The following GAB2 variants were observed in gnomAD, a reference collection of about 807,000 sequenced individuals.
The protein encoded by GAB2 is GRB2 associated binding protein 2, also known as GRB2-associated-binding protein 2.
GAB2 carries 26 observed loss-of-function variants against 65.5 expected under a neutral mutation model. The ratio of observed to expected loss-of-function variants is 0.40; its 90% CI spans 0.29 to 0.55. The LOEUF is 0.55. Among genes scored for constraint, GAB2 ranks in the 20% least tolerant of loss-of-function variants. The probability of loss-of-function intolerance (pLI) is 0.53; values close to 1 mark genes in which losing one functional copy is unlikely to be tolerated. For synonymous variants in GAB2, 321 were observed against 329.6 expected (o/e 0.97, Z 0.28); for missense variants, 884 against 875.8 (o/e 1.01, Z -0.12).
chr11:78,329,762 G>T (rs1315084461), intron 1 of GAB2, among the ~76,000 whole-genome samples: 1 of 152,200 alleles, frequency 6.6e-6, no homozygotes, highest in African/African-American at 2.4e-5. Context: ...TTCTCAGCTA[G>T]CATGTATCTC....
intron 3 of GAB2, among the ~76,000 whole-genome samples, chr11:78,247,902 C>T (rs1865341412): frequency 6.6e-6 from 1 of 152,124 alleles, no homozygotes; most frequent in Non-Finnish European, 1.5e-5. Flanking sequence ...CTGCTCATTA[C>T]CCTCTCATTC....
chr11:78,260,330 G>T (rs942173900), intron 2 of GAB2, among the ~76,000 whole-genome samples: 2 of 152,202 alleles, frequency 1.3e-5, no homozygotes, highest in Non-Finnish European at 2.9e-5. Flanking sequence ...AGGCAAAGAG[G>T]AAAGAGAGCG....
chr11:78,400,080 A>C (rs1017378651), intron 1 of GAB2, among the ~76,000 whole-genome samples: 1 of 152,158 alleles, frequency 6.6e-6, no homozygotes, highest in African/African-American at 2.4e-5. Context: ...CATCTAAGGC[A>C]TTTACTGGGA....
intron 1 of GAB2, among the ~76,000 whole-genome samples, chr11:78,405,117 G>A (rs1201000709): frequency 2.5e-5 from 1 of 40,698 alleles, no homozygotes; most frequent in East Asian, 6.6e-4. Context: ...TTTTTTTTTT[G>A]AGATGGAGTC....
intron 1 of GAB2, among the ~76,000 whole-genome samples, chr11:78,334,035 C>T (rs778598593): frequency 6.6e-6 from 1 of 152,166 alleles, no homozygotes; most frequent in Non-Finnish European, 1.5e-5. Context: ...GTGATAAGTT[C>T]ATCTCCTTTT....
chr11:78,228,511 T>G (rs1339173988), intron 3 of GAB2, among the ~76,000 whole-genome samples: 1 of 152,184 alleles, frequency 6.6e-6, no homozygotes, highest in Non-Finnish European at 1.5e-5. Flanking sequence ...CTGGACCTTT[T>G]GCCTTATAGA....
intron 2 of GAB2, among the ~76,000 whole-genome samples, chr11:78,262,099 T>C (rs1018962682): frequency 6.6e-6 from 1 of 152,152 alleles, no homozygotes; most frequent in Admixed American, 6.5e-5. Flanking sequence ...AATCACAAGA[T>C]TGCACCTTAA....
At chr11:78,392,770 C>T (rs1856850559) in intron 1 of GAB2, among the ~76,000 whole-genome samples, 2 of 152,176 alleles carry the variant, frequency 1.3e-5, no homozygotes, top group Admixed American at 1.3e-4. Context: ...AAACTGTTCT[C>T]ATTATTTGAA....
chr11:78,261,565 C>G (rs1215882086), intron 2 of GAB2, among the ~76,000 whole-genome samples: 1 of 152,174 alleles, frequency 6.6e-6, no homozygotes, highest in Non-Finnish European at 1.5e-5. Flanking sequence ...TTTGTTTATA[C>G]CTATCGTACC....
At chr11:78,395,627 T>C (rs565698840) in intron 1 of GAB2, among the ~76,000 whole-genome samples, 1 of 152,362 alleles carries the variant, frequency 6.6e-6, no homozygotes, top group Non-Finnish European at 1.5e-5. Flanking sequence ...AGGTATCATC[T>C]GTCCTTGAGA....
intron 1 of GAB2, among the ~76,000 whole-genome samples, chr11:78,340,696 G>A (rs1394989073): frequency 6.6e-6 from 1 of 151,094 alleles, no homozygotes; most frequent in Non-Finnish European, 1.5e-5. Context: ...AGGAAAGGAA[G>A]AAAACAAAGT....
chr11:78,382,382 T>C (rs1856709135), intron 1 of GAB2, among the ~76,000 whole-genome samples: 1 of 150,746 alleles, frequency 6.6e-6, no homozygotes, highest in African/African-American at 2.5e-5. Context: ...TTTTTATTAT[T>C]ATTTTTTTTT....
Position 78,364,691 on chromosome 11 carries a change from CTG to C in GAB2, c.75+52953_75+52954del, listed in dbSNP as rs370583742. Among the ~76,000 whole-genome samples the C allele has an allele frequency of 1.3e-3, 203 of 152,276 alleles. 1 individual carries two copies. The highest frequency in any genetic ancestry group is 4.8e-3 in the African/African-American group (198 of 41,550). On this transcript the variant is annotated intron_variant, in intron 1 of 9. Transcript: ENST00000361507. ...TTACTAACAACTATGATAGCAAATGCTGTGATAGGCCTTGAGTTTGCTATATG... is the reference window on the plus strand; with the variant it reads ...TTACTAACAACTATGATAGCAAATGCTGATAGGCCTTGAGTTTGCTATATG...
chr11:78,364,863 T>C lies in GAB2; in HGVS notation c.75+52783A>G, dbSNP rs140782694. On this transcript the variant is annotated intron_variant, in intron 1 of 9. Transcript: ENST00000361507. ...GAGTGAGATTTGGACATATGTAATG[T>C]TGGGAAAAGCTTCCCAGGTAATAGC... Among the ~76,000 whole-genome samples the C allele has an allele frequency of 2.2e-3, 337 of 152,334 alleles. 1 individual carries two copies. Among genetic ancestry groups the C allele is most frequent in the African/African-American group, 7.5e-3 (312 of 41,578 alleles).
At position 78,317,511 on chromosome 11, in the gene GAB2, G is replaced by A. The variant is rs558135148; in HGVS notation, c.76-36610C>T. Among the ~76,000 whole-genome samples, 25 of 138,936 alleles carry A rather than the reference G, an allele frequency of 1.8e-4. No homozygotes were observed. The South Asian group carries it at 5.6e-3, about 31-fold the overall frequency. The allele number at this position is 138,936 out of a possible 152,430, so 91.1% of individuals were successfully genotyped here. On this transcript the variant is annotated intron_variant, in intron 1 of 9. Transcript: ENST00000361507. ...GGAGGCGGAGGTTGCAGTGAGCTGAGATGGCGCCACTGCACTCCAGCCTGG... is the reference window on the plus strand; with the variant it reads ...GGAGGCGGAGGTTGCAGTGAGCTGAAATGGCGCCACTGCACTCCAGCCTGG...
intron 1 of GAB2, among the ~76,000 whole-genome samples, chr11:78,358,417 A>C (rs1447302145): frequency 6.7e-6 from 1 of 148,620 alleles, no homozygotes; most frequent in East Asian, 2.0e-4. Flanking sequence ...CATGTTGTGC[A>C]CATGTACCCT....
chr11:78,308,963 TAGG>T (rs1223126048), intron 1 of GAB2, among the ~76,000 whole-genome samples: 2 of 152,002 alleles, frequency 1.3e-5, no homozygotes, highest in East Asian at 1.9e-4. Flanking sequence ...ATGCTGAGGG[TAGG>T]AGAAGTCTAG....
At chr11:78,221,631 C>T in intron 8 of GAB2, 46 bp downstream of exon 8, 1 of 1,221,496 alleles carries the variant, frequency 8.2e-7, no homozygotes, top group Non-Finnish European at 1.2e-6. Flanking sequence ...GGGTGGGTCC[C>T]AGGGGACTTG....
At chr11:78,343,972 C>T (rs1342823766) in intron 1 of GAB2, among the ~76,000 whole-genome samples, 1 of 151,882 alleles carries the variant, frequency 6.6e-6, no homozygotes, top group Admixed American at 6.6e-5. Flanking sequence ...CAGAATTAGA[C>T]AACAAGGAGA....
Sources: gnomAD v4.1 joint callset for allele counts (sites outside exome capture counted in the v4.1 genomes callset) on GRCh38, gnomAD v4.1.1 for gene constraint, MANE v1.5 for transcripts, NCBI Gene and HGNC (gene_info 2026-07-23, HGNC 2026-07-21) for gene names.